The following SFMBT2 variants were observed in gnomAD, a reference collection of about 807,000 sequenced individuals.
SFMBT2 encodes Scm like with four mbt domains 2.
SFMBT2 carries 38 observed loss-of-function variants against 110.1 expected under a neutral mutation model. The ratio of observed to expected loss-of-function variants is 0.35; its 90% confidence interval spans 0.27 to 0.45. SFMBT2 has a LOEUF of 0.45. Ranked by LOEUF, SFMBT2 falls within the 20% of genes least tolerant of loss-of-function variation. SFMBT2 has a pLI of 1.00. For synonymous variants in SFMBT2, 425 were observed against 425.4 expected (o/e 1.00, Z 0.01); for missense variants, 1,011 against 1,094.9 (o/e 0.92, Z 1.08).
intron 7 of SFMBT2, among the ~76,000 whole-genome samples, chr10:7,252,706 G>C (rs1170289173): frequency 6.6e-6 from 1 of 152,102 alleles, no homozygotes; most frequent in Non-Finnish European, 1.5e-5. Flanking sequence ...TGTCAGTCTT[G>C]GCTCAGATCT....
At chr10:7,166,688 C>A (rs1009872403) in intron 20 of SFMBT2, among the ~76,000 whole-genome samples, 96 of 152,206 alleles carry the variant, frequency 6.3e-4, no homozygotes, top group African/African-American at 2.2e-3. Flanking sequence ...GACAGGCAAC[C>A]AAGCCAGTCT....
intron 2 of SFMBT2, among the ~76,000 whole-genome samples, chr10:7,379,442 A>G (rs779700525): frequency 2.0e-5 from 3 of 150,078 alleles, no homozygotes; most frequent in Non-Finnish European, 3.0e-5. Flanking sequence ...AAAAAAAAAT[A>G]AGCTACTTGT....
At chr10:7,208,238 G>A (rs34506957) in intron 11 of SFMBT2, among the ~76,000 whole-genome samples, 30,973 of 152,032 alleles carry the variant, frequency 0.2, 3,664 homozygotes, top group African/African-American at 0.32. Flanking sequence ...GCAGGTCCCC[G>A]GGCAGGTTCC....
chr10:7,253,942 T>C (rs1840906052), intron 7 of SFMBT2, among the ~76,000 whole-genome samples: 1 of 152,112 alleles, frequency 6.6e-6, no homozygotes, highest in South Asian at 2.1e-4. Flanking sequence ...AATTAAGAGT[T>C]TGGCTAAACC....
intron 1 of SFMBT2, chr10:7,409,372 T>G (rs565263949): frequency 1.3e-5 from 2 of 151,398 alleles, no homozygotes. Context: ...AAAGACAAAA[T>G]AAATCACTCC....
rs370234732 is a variant in SFMBT2 at position 7,407,871 on chromosome 10, C to CT, written c.-52+2989dup. Among the ~76,000 whole-genome samples the CT allele has an allele frequency of 9.9e-3, 1,505 of 152,252 alleles. 23 individuals carry two copies. The highest frequency in any genetic ancestry group is 0.034 in the African/African-American group (1,403 of 41,538). ...TCCGCGTCCCCGGGAACTCCCTCGG[C>CT]TTTTCGCGCATCCAGGTCCCCAGCC... On this transcript the variant is annotated intron_variant, in intron 1 of 20. Coordinates refer to ENST00000397167, the MANE Select transcript of SFMBT2 (RefSeq NM_001387889.1).
At chr10:7,309,651 G>A (rs568738968) in intron 4 of SFMBT2, among the ~76,000 whole-genome samples, 2 of 128,982 alleles carry the variant, frequency 1.6e-5, no homozygotes, top group African/African-American at 2.6e-5. Flanking sequence ...AGCAGCTACT[G>A]AGGCACCCTG....
At chr10:7,382,054 T>C in intron 1 of SFMBT2, 105 bp from the exon 2 acceptor site, 1 of 543,318 alleles carries the variant, frequency 1.8e-6, no homozygotes, top group Non-Finnish European at 3.1e-6. Context: ...GCCACTACCA[T>C]TTCATTATAA....
At chr10:7,381,763 C>CA in intron 2 of SFMBT2, 36 bp downstream of exon 2, 1 of 1,603,102 alleles carries the variant, frequency 6.2e-7, no homozygotes, top group Non-Finnish European at 8.5e-7. Flanking sequence ...ATCAATTCAT[C>CA]AAAAATCCAG....
intron 4 of SFMBT2, among the ~76,000 whole-genome samples, chr10:7,325,528 A>G (rs558568643): frequency 6.6e-6 from 1 of 152,200 alleles, no homozygotes; most frequent in Non-Finnish European, 1.5e-5. Flanking sequence ...TCTTCTAAAT[A>G]CATATTCAGA....
intron 9 of SFMBT2, among the ~76,000 whole-genome samples, chr10:7,234,903 G>A (rs1840211921): frequency 2.0e-5 from 3 of 152,194 alleles, no homozygotes; most frequent in South Asian, 2.1e-4. Context: ...GAGGACCCGA[G>A]GCTACTATCT....
chr10:7,363,171 C>T (rs372633496), intron 4 of SFMBT2, among the ~76,000 whole-genome samples: 40 of 152,090 alleles, frequency 2.6e-4, no homozygotes, highest in South Asian at 8.3e-4. Flanking sequence ...GTTTTTCCCA[C>T]GCTATTCTCA....
chr10:7,266,504 G>A (rs1841397849), intron 7 of SFMBT2, among the ~76,000 whole-genome samples: 1 of 152,200 alleles, frequency 6.6e-6, no homozygotes, highest in Non-Finnish European at 1.5e-5. Flanking sequence ...TTAGGCAGGA[G>A]TAAGCAGGTG....
chr10:7,313,923 G>A (rs1310285813), intron 4 of SFMBT2, among the ~76,000 whole-genome samples: 1 of 152,218 alleles, frequency 6.6e-6, no homozygotes, highest in African/African-American at 2.4e-5. Flanking sequence ...CTAGATACAT[G>A]CACAGCTTTT....
At chr10:7,195,024 C>T (rs918804864) in intron 15 of SFMBT2, among the ~76,000 whole-genome samples, 22 of 152,340 alleles carry the variant, frequency 1.4e-4, no homozygotes, top group African/African-American at 4.6e-4. Context: ...CAGGCAGCTT[C>T]GAAGAAGCCC....
In SFMBT2 at chr10:7,162,217, A is replaced by G. The variant is rs1588751598; in HGVS notation, c.*1553T>C. 6.6e-6 allele frequency: 1 copy of G among 151,290 alleles called. No homozygotes were observed. Among genetic ancestry groups the G allele is most frequent in the East Asian group, 1.9e-4 (1 of 5,194 alleles). 9.4% of individuals were successfully genotyped at this position (151,290 alleles called of 1,614,324 possible). A position where few individuals can be genotyped will look rare whatever the true frequency, so the allele number is the denominator to read the frequency against. On this transcript the variant is annotated 3_prime_UTR_variant, in exon 21 of 21. Transcript: ENST00000397167. Reference sequence around the variant, plus strand: ...ATTCCACAAGCAAACTCAAAGCCAGAAAGAGCTGTAAGAATGGCCGAGTCA... The same window carrying G: ...ATTCCACAAGCAAACTCAAAGCCAGGAAGAGCTGTAAGAATGGCCGAGTCA...
chr10:7,292,787 C>T (rs1440152994), intron 4 of SFMBT2, among the ~76,000 whole-genome samples: 2 of 152,078 alleles, frequency 1.3e-5, no homozygotes, highest in Admixed American at 6.5e-5. Context: ...GAGGCTGAGG[C>T]GGGCGGATCA....
At chr10:7,344,215 G>A (rs1808726576) in intron 4 of SFMBT2, among the ~76,000 whole-genome samples, 4 of 152,142 alleles carry the variant, frequency 2.6e-5, no homozygotes, top group Admixed American at 2.6e-4. Flanking sequence ...CATGGGTTAG[G>A]AAGGTGAGTT....
intron 4 of SFMBT2, among the ~76,000 whole-genome samples, chr10:7,361,152 G>C (rs1005345230): frequency 6.6e-6 from 1 of 151,970 alleles, no homozygotes; most frequent in Non-Finnish European, 1.5e-5. Context: ...GCCCAGTTAG[G>C]ATTCATTATG....
Sources: gnomAD v4.1 joint callset for allele counts (sites outside exome capture counted in the v4.1 genomes callset) on GRCh38, gnomAD v4.1.1 for gene constraint, MANE v1.5 for transcripts, NCBI Gene and HGNC (gene_info 2026-07-23, HGNC 2026-07-21) for gene names.